The following MUC20 variants were observed in gnomAD, a reference collection of about 807,000 sequenced individuals.
MUC20 encodes the protein mucin 20, cell surface associated.
A neutral mutation model predicts 23.8 loss-of-function variants in MUC20; 14 were observed. That is an observed-to-expected ratio of 0.59 (90% CI 0.39 to 0.92). The LOEUF is 0.92. MUC20 is among the 40% of genes least tolerant of loss of function. The pLI, the probability that MUC20 is intolerant of heterozygous loss-of-function variation, is 0.00. For synonymous variants in MUC20, 166 were observed against 279.3 expected (o/e 0.59, Z 4.04); for missense variants, 375 against 668.8 (o/e 0.56, Z 4.85).
intron 1 of MUC20, among the ~76,000 whole-genome samples, chr3:195,723,039 C>T (rs139461778): frequency 0.02 from 2,891 of 141,236 alleles, 60 homozygotes; most frequent in African/African-American, 0.072. Flanking sequence ...GTCCTCATCA[C>T]GTTGGCAAGG....
At chr3:195,727,933 G>T (rs531287927) in intron 2 of MUC20, among the ~76,000 whole-genome samples, 1 of 145,088 alleles carries the variant, frequency 6.9e-6, no homozygotes, top group East Asian at 1.9e-4. Context: ...GTTATCTGAT[G>T]CCAGGCAGTG....
At chr3:195,723,032 C>G (rs1382189604) in intron 1 of MUC20, among the ~76,000 whole-genome samples, 1 of 138,324 alleles carries the variant, frequency 7.2e-6, no homozygotes, top group South Asian at 2.3e-4. Flanking sequence ...TCCGCTGGTC[C>G]TCATCACGTT....
At chr3:195,721,556 G>A (rs1156618454) in intron 1 of MUC20, among the ~76,000 whole-genome samples, 3 of 151,576 alleles carry the variant, frequency 2.0e-5, no homozygotes, top group African/African-American at 4.9e-5. Context: ...CAGATTTCGT[G>A]TGAAAAGTCC....
intron 3 of MUC20, among the ~76,000 whole-genome samples, chr3:195,732,879 A>G (rs1713542015): frequency 6.6e-6 from 1 of 152,262 alleles, no homozygotes; most frequent in African/African-American, 2.4e-5. Flanking sequence ...TGTGAATTCT[A>G]GTTCCCAACT....
At position 195,731,385 on chromosome 3, in the gene MUC20, G is replaced by A. The variant is rs1046585963; in HGVS notation, c.2061+1646G>A. ...CCCTTAGCAGAGGGAAGCAAGATAT[G>A]TCCGTGGAGAGTGGGATCCTTTGTT... On this transcript the variant is annotated intron_variant, in intron 3 of 3. Transcript: ENST00000447234. 2.0e-5 allele frequency among the ~76,000 whole-genome samples: 3 copies of A among 152,270 alleles called. No homozygotes were observed. In the South Asian group the frequency reaches 6.2e-4, roughly 31 times the overall value.
chr3:195,732,378 G>A (rs1713485994), intron 3 of MUC20, among the ~76,000 whole-genome samples: 1 of 149,558 alleles, frequency 6.7e-6, no homozygotes, highest in South Asian at 2.1e-4. Flanking sequence ...TATTTTTCTT[G>A]AGACAGATTC....
At chr3:195,730,320 ATTTTC>A (rs1272972770) in intron 3 of MUC20, among the ~76,000 whole-genome samples, 4 of 152,072 alleles carry the variant, frequency 2.6e-5, no homozygotes, top group Non-Finnish European at 4.4e-5. Context: ...ATCTCCCCAC[ATTTTC>A]TTTTCTTTTT....
Position 195,726,231 on chromosome 3 carries a change from AC to A in MUC20, c.1629del (p.Tyr543Ter). On this transcript the variant is annotated frameshift_variant, in exon 2 of 4. Transcript: ENST00000447234. LOFTEE classifies it high-confidence loss of function. ...TSALSVETPS[Y>X]VKVSGAAPVS... ...GCCCTCTCTGTTGAGACACCAAGTT[AC>A]GTCAAAGTCTCAGGAGCAGCTCCGG... 6.2e-7 allele frequency: 1 copy of A among 1,613,822 alleles called. No individual in the cohort carries two copies. Among genetic ancestry groups the A allele is most frequent in the Non-Finnish European group, 8.5e-7 (1 of 1,179,718 alleles).
chr3:195,732,066 C>T (rs1415453995), intron 3 of MUC20, among the ~76,000 whole-genome samples: 3 of 152,226 alleles, frequency 2.0e-5, no homozygotes, highest in Non-Finnish European at 2.9e-5. Context: ...TGCAGTGGTG[C>T]GATCTTGGCT....
intron 2 of MUC20, among the ~76,000 whole-genome samples, chr3:195,728,524 T>C (rs1405057759): frequency 2.6e-5 from 4 of 152,222 alleles, no homozygotes; most frequent in South Asian, 2.1e-4. Context: ...CGCCACAGGG[T>C]GGTTTTTCTC....
rs1464026580 is a variant in MUC20 at position 195,728,360 on chromosome 3, CAT to C, written c.1970-1287_1970-1286del. On this transcript the variant is annotated intron_variant, in intron 2 of 3. Transcript: ENST00000447234. ...TAATAAGGAGAAGGTCAGCAAGAAA[CAT>C]GTGAGCAAAAGAATCTGTGTCATAA... is the stretch of plus-strand genomic sequence containing the variant. Among the ~76,000 whole-genome samples, 149 of 152,398 alleles carry C rather than the reference CAT, an allele frequency of 9.8e-4. 2 individuals are homozygous for C. The highest frequency in any genetic ancestry group is 1.3e-3 in the Non-Finnish European group (87 of 68,046).
Position 195,729,233 on chromosome 3 carries a change from G to A in MUC20, c.1970-415G>A, listed in dbSNP as rs150637646. 1.7e-3 allele frequency: 338 copies of A among 202,234 alleles called. No homozygotes were observed. In the Middle Eastern group the frequency reaches 0.03, roughly 18 times the overall value. 12.5% of individuals were successfully genotyped at this position (202,234 alleles called of 1,614,324 possible). ...CCAGTTCTCTCCACACATGTAACCC[G>A]TGAGATTGTCTCTTGTGTGTAATTT... On this transcript the variant is annotated intron_variant, in intron 2 of 3. Transcript: ENST00000447234.
chr3:195,729,650 G>A lies in MUC20; in HGVS notation c.1972G>A (p.Glu658Lys). The A allele has an allele frequency of 6.3e-7, 1 of 1,577,658 alleles. No individual in the cohort carries two copies. Among genetic ancestry groups the A allele is most frequent in the Non-Finnish European group, 8.6e-7 (1 of 1,160,228 alleles). Residue 658 changes from glutamate (E) to lysine (K), a missense_variant and splice_region_variant, in exon 3 of 4, where the codon GAA becomes AAA. Physicochemically the swap from Glu to Lys is moderately conservative, Grantham distance 56. Transcript: ENST00000447234. ...ATCTTACTGTTCTCCATTTGCAGGTGAAAATGGAGGTTTCCTCCTCCTGCG... is the reference window on the plus strand; with the variant it reads ...ATCTTACTGTTCTCCATTTGCAGGTAAAAATGGAGGTTTCCTCCTCCTGCG... ...TRPTTDVSAGENGGFLLLRLS... is the reference protein window; with the variant it reads ...TRPTTDVSAGKNGGFLLLRLS...
At chr3:195,730,201 A>G (rs541858892) in intron 3 of MUC20, 16 of 161,402 alleles carry the variant, frequency 9.9e-5, no homozygotes, top group Non-Finnish European at 1.5e-4. Flanking sequence ...CATCACAGGG[A>G]CTTTCTCTTT....
chr3:195,729,367 A>C, intron 2 of MUC20: 1 of 243,192 alleles, frequency 4.1e-6, no homozygotes, highest in Non-Finnish European at 7.4e-6. Flanking sequence ...CCCAGGTTGG[A>C]GTGTAGTGCT....
At chr3:195,729,478 G>T in intron 2 of MUC20, 170 bp from the exon 3 acceptor site, 1 of 657,730 alleles carries the variant, frequency 1.5e-6, no homozygotes, top group South Asian at 1.9e-5. Context: ...CACCATGCCC[G>T]GCTCATTTTG....
chr3:195,726,788 G>A (rs1312417728), intron 2 of MUC20, among the ~76,000 whole-genome samples: 1 of 152,280 alleles, frequency 6.6e-6, no homozygotes, highest in Non-Finnish European at 1.5e-5. Flanking sequence ...GAAGTCCGGA[G>A]AAATGGTTTG....
intron 1 of MUC20, among the ~76,000 whole-genome samples, chr3:195,723,437 C>T (rs1712353738): frequency 1.0e-5 from 1 of 98,844 alleles, no homozygotes; most frequent in African/African-American, 4.6e-5. Context: ...CAAGAAGGCT[C>T]AGAGAATTAG....
In MUC20 at chr3:195,726,208, CCT is replaced by C. The variant is rs754232475; in HGVS notation, c.1610_1611del (p.Ser537CysfsTer2). On this transcript the variant is annotated frameshift_variant, in exon 2 of 4. Transcript: ENST00000447234. LOFTEE classifies it high-confidence loss of function. ...GGAATCCCCTTGAAGAAACCTCAGC[CCT>C]CTCTGTTGAGACACCAAGTTACGTC... ...SRNPLEETSA[L>X]SVETPSYVKV... 2 of 1,611,966 alleles carry C rather than the reference CCT, an allele frequency of 1.2e-6. No homozygotes were observed. The highest frequency in any genetic ancestry group is 8.5e-7 in the Non-Finnish European group (1 of 1,178,178).
Sources: gnomAD v4.1 joint callset for allele counts (sites outside exome capture counted in the v4.1 genomes callset) on GRCh38, gnomAD v4.1.1 for gene constraint, MANE v1.5 for transcripts, NCBI Gene and HGNC (gene_info 2026-07-23, HGNC 2026-07-21) for gene names.